Variants in NCOR2 observed in about 807,000 individuals in gnomAD.
NCOR2 encodes nuclear receptor corepressor 2, also known as CTG repeat protein 26.
A neutral mutation model predicts 262.9 loss-of-function variants in NCOR2; 81 were observed. The ratio of observed to expected loss-of-function variants is 0.31; its 90% CI spans 0.26 to 0.37. The LOEUF (loss-of-function observed/expected upper bound fraction) is 0.37. Ranked by LOEUF, NCOR2 falls within the 10% of genes least tolerant of loss-of-function variation. NCOR2 has a pLI of 1.00. For missense variants in NCOR2, 3,385 were observed against 3,621.4 expected (o/e 0.93, Z 1.68); for synonymous variants, 1,659 against 1,559.3 (o/e 1.06, Z -1.51).
At chr12:124,477,191 C>G (rs760967656) in intron 3 of NCOR2, among the ~76,000 whole-genome samples, 7 of 152,160 alleles carry the variant, frequency 4.6e-5, no homozygotes, top group Non-Finnish European at 7.3e-5. Context: ...TGGGAGGGGC[C>G]AAGTGGAGGT....
At chr12:124,488,607 G>A (rs1567163) in intron 1 of NCOR2, among the ~76,000 whole-genome samples, 86,329 of 152,128 alleles carry the variant, frequency 0.57, 24,877 homozygotes, top group South Asian at 0.72. Context: ...AGTGGGAGGA[G>A]AAGGGAGAAG....
intron 6 of NCOR2, among the ~76,000 whole-genome samples, chr12:124,456,337 T>C (rs2045854101): frequency 6.6e-6 from 1 of 152,202 alleles, no homozygotes; most frequent in South Asian, 2.1e-4. Flanking sequence ...CACAGATGGC[T>C]GTGGGGCAGG....
At chr12:124,422,454 C>T (rs745511676) in intron 12 of NCOR2, 47 bp downstream of exon 14, 3 of 1,610,644 alleles carry the variant, frequency 1.9e-6, no homozygotes, top group South Asian at 2.2e-5. Flanking sequence ...CACGCAGTTG[C>T]CCACGGAGGT....
chr12:124,364,388 A>G (rs2038854212), intron 20 of NCOR2, among the ~76,000 whole-genome samples: 1 of 152,136 alleles, frequency 6.6e-6, no homozygotes. Flanking sequence ...GGGGAGCTGC[A>G]CCCACTTCCT....
chr12:124,479,791 G>A (rs1565982127), intron 3 of NCOR2, among the ~76,000 whole-genome samples: 1 of 152,254 alleles, frequency 6.6e-6, no homozygotes, highest in Admixed American at 6.5e-5. Flanking sequence ...GAGACCAGAG[G>A]GGAGACCCAC....
Position 124,389,521 on chromosome 12 carries a change from A to G in NCOR2, c.1877-3634T>C, listed in dbSNP as rs2041112463. Among the ~76,000 whole-genome samples, 1 of 152,016 alleles carries G rather than the reference A, an allele frequency of 6.6e-6. No homozygotes were observed. Among genetic ancestry groups the G allele is most frequent in the Middle Eastern group, 3.4e-3 (1 of 294 alleles). On this transcript the variant is annotated intron_variant, in intron 16 of 46. Transcript: ENST00000405201. This position sits in a 1 kb window ranked among gnomAD's most constrained non-coding sequence, Gnocchi z 4.4. The stretch of plus-strand genomic sequence containing the variant: ...AAAACAGAGCTTCTCCACCCCCGGC[A>G]GACAGGGAGCAAACAGCTTCTTCCG...
chr12:124,367,648 T>C (rs1333398152), intron 20 of NCOR2, among the ~76,000 whole-genome samples: 1 of 152,180 alleles, frequency 6.6e-6, no homozygotes, highest in Non-Finnish European at 1.5e-5. Context: ...ATTTATTTTT[T>C]TGGAGACAGA....
chr12:124,353,040 G>C (rs1250545811), intron 27 of NCOR2, among the ~76,000 whole-genome samples: 2 of 152,220 alleles, frequency 1.3e-5, no homozygotes, highest in Non-Finnish European at 2.9e-5. Flanking sequence ...AGACTGCACG[G>C]AAGTTTGACC....
intron 13 of NCOR2, among the ~76,000 whole-genome samples, chr12:124,415,383 C>T (rs997422826): frequency 1.3e-5 from 2 of 152,266 alleles, no homozygotes; most frequent in Non-Finnish European, 2.9e-5. Context: ...TGCATCTCCA[C>T]TTAACAAGAC....
intron 13 of NCOR2, among the ~76,000 whole-genome samples, chr12:124,403,420 C>T: frequency 1.3e-5 from 2 of 152,266 alleles, no homozygotes; most frequent in East Asian, 3.9e-4. Context: ...TACCGCCCCT[C>T]CCCTCACCGA....
At chr12:124,489,934 C>T (rs2047992527) in intron 1 of NCOR2, among the ~76,000 whole-genome samples, 1 of 152,100 alleles carries the variant, frequency 6.6e-6, no homozygotes, top group African/African-American at 2.4e-5. Context: ...CAGAAGGTGT[C>T]AAGGGAATGC....
intron 17 of NCOR2, among the ~76,000 whole-genome samples, chr12:124,383,927 G>A (rs1330441219): frequency 6.6e-6 from 1 of 152,148 alleles, no homozygotes; most frequent in Non-Finnish European, 1.5e-5. Flanking sequence ...GTACAGTGGG[G>A]CCACACCCTG....
At chr12:124,349,121 G>T (rs1328295551) in intron 28 of NCOR2, among the ~76,000 whole-genome samples, 1 of 152,232 alleles carries the variant, frequency 6.6e-6, no homozygotes, top group Non-Finnish European at 1.5e-5. Context: ...GCAGGCAGTG[G>T]TGAGGGGTGG....
At chr12:124,445,845 A>G (rs1021116203) in intron 7 of NCOR2, among the ~76,000 whole-genome samples, 1 of 152,242 alleles carries the variant, frequency 6.6e-6, no homozygotes, top group African/African-American at 2.4e-5. Flanking sequence ...GTCTCTGTAG[A>G]CAAAAGAAAG....
At position 124,430,699 on chromosome 12, in the gene NCOR2, G is replaced by A. The variant is rs751787222; in HGVS notation, c.971C>T (p.Ala324Val). The change falls in exon 9 of 47, where the codon GCC (alanine) becomes GTC (valine). Residue 324 changes from alanine to valine, a missense_variant. Transcript: ENST00000405201. ...GTACTCGCGCACCTTGCTCTCCTTG[G>A]CCCGCCGCCGGGGGTTGTTCTCGAT... 15 of 1,614,146 alleles carry A rather than the reference G, an allele frequency of 9.3e-6. No homozygotes were observed. The South Asian group carries it at 1.6e-4, about 18-fold the overall frequency.
chr12:124,467,741 C>CCATCATCCT (rs2046537597), intron 4 of NCOR2, among the ~76,000 whole-genome samples: 2 of 133,540 alleles, frequency 1.5e-5, no homozygotes, highest in Non-Finnish European at 3.3e-5. Context: ...CCTCATCACC[C>CCATCATCCT]CATCACCCTC....
intron 24 of NCOR2, chr12:124,355,177 G>C: frequency 1.6e-6 from 1 of 613,450 alleles, no homozygotes; most frequent in Non-Finnish European, 2.8e-6. Context: ...GGGGAAACAG[G>C]AGGTTAAGTA....
At chr12:124,363,710 A>G in exon 21 of NCOR2, 1 of 1,410,462 alleles carries the variant, frequency 7.1e-7, no homozygotes, top group South Asian at 1.7e-5. Flanking sequence ...TCGCTGCTTC[A>G]GCTGCTTCAG....
Position 124,389,512 on chromosome 12 carries a change from A to AC in NCOR2, c.1877-3626dup, listed in dbSNP as rs1263061470. ...GGTTCCAGAAAAACAGAGCTTCTCCACCCCCGGCAGACAGGGAGCAAACAG... is the reference window on the plus strand; with the variant it reads ...GGTTCCAGAAAAACAGAGCTTCTCCACCCCCCGGCAGACAGGGAGCAAACAG... On this transcript the variant is annotated intron_variant, in intron 16 of 46. Coordinates refer to ENST00000405201, the Ensembl canonical transcript of NCOR2. This position sits in a 1 kb window ranked among gnomAD's most constrained non-coding sequence, Gnocchi z 4.4. 1.3e-5 allele frequency among the ~76,000 whole-genome samples: 2 copies of AC among 150,678 alleles called. No individual in the cohort carries two copies. The highest frequency in any genetic ancestry group is 4.9e-5 in the African/African-American group (2 of 40,814).
Sources: gnomAD v4.1 joint callset for allele counts (sites outside exome capture counted in the v4.1 genomes callset) on GRCh38, gnomAD v4.1.1 for gene constraint, Gnocchi (gnomAD v3.1) non-coding constraint, MANE v1.5 for transcripts, NCBI Gene and HGNC (gene_info 2026-07-23, HGNC 2026-07-21) for gene names.